Variants in HTR1F observed in about 807,000 individuals in gnomAD.
HTR1F encodes 5-hydroxytryptamine (serotonin) receptor 1F, G protein-coupled.
A neutral mutation model predicts 24.0 loss-of-function variants in HTR1F; 17 were observed. The observed-to-expected ratio is 0.71, with a 90% confidence interval of 0.48 to 1.06. The LOEUF (loss-of-function observed/expected upper bound fraction) is 1.06. Ranked by LOEUF, HTR1F falls within the 50% of genes least tolerant of loss-of-function variation. HTR1F has a pLI of 0.00. For missense variants in HTR1F, 391 were observed against 427.8 expected (o/e 0.91, Z 0.76); for synonymous variants, 186 against 156.8 (o/e 1.19, Z -1.39).
rs1001480762 is a variant in HTR1F, at chr3:87,848,086, T to C, written c.-43+25962T>C. On this transcript the variant is annotated intron_variant, in intron 2 of 2. Transcript: ENST00000319595. ...GGCCTCTTTTTAGTTTTTTGAGAAA[T>C]CTTAATACTGTTTTCCACAGTGGCT... is the stretch of plus-strand genomic sequence containing the variant. Among the ~76,000 whole-genome samples, 22 of 151,886 alleles carry C rather than the reference T, an allele frequency of 1.4e-4. 1 individual carries two copies. Among genetic ancestry groups the C allele is most frequent in the African/African-American group, 4.6e-4 (19 of 41,202 alleles).
intron 2 of HTR1F, among the ~76,000 whole-genome samples, chr3:87,943,446 G>GA (rs1252492205): frequency 1.3e-5 from 2 of 152,144 alleles, no homozygotes; most frequent in African/African-American, 4.8e-5. Context: ...CATGCACTCT[G>GA]GCTGGGCCAA....
intron 2 of HTR1F, among the ~76,000 whole-genome samples, chr3:87,905,440 C>T (rs1054777984): frequency 1.3e-5 from 2 of 151,584 alleles, no homozygotes; most frequent in Admixed American, 6.6e-5. Context: ...TTTTGCTGCC[C>T]CTTAATTTTT....
At chr3:87,794,342 C>G (rs1406982054) in intron 1 of HTR1F, among the ~76,000 whole-genome samples, 5 of 152,178 alleles carry the variant, frequency 3.3e-5, no homozygotes, top group Non-Finnish European at 7.3e-5. Flanking sequence ...TGCTTCCCCC[C>G]ACCCCATTCT....
chr3:87,826,930 C>A (rs760705451), intron 2 of HTR1F, among the ~76,000 whole-genome samples: 1 of 152,032 alleles, frequency 6.6e-6, no homozygotes, highest in African/African-American at 2.4e-5. Flanking sequence ...CCCACCTCAG[C>A]CTCCCAAGTA....
intron 2 of HTR1F, among the ~76,000 whole-genome samples, chr3:87,829,893 A>G (rs1388015095): frequency 6.6e-6 from 1 of 152,250 alleles, no homozygotes; most frequent in Non-Finnish European, 1.5e-5. Flanking sequence ...CCAGTAATTA[A>G]TATTTGCAAC....
intron 2 of HTR1F, among the ~76,000 whole-genome samples, chr3:87,875,275 A>G (rs2343772): frequency 0.051 from 7,697 of 151,722 alleles, 628 homozygotes; most frequent in African/African-American, 0.17. Context: ...ACATGGTGCA[A>G]CCTGTCTCTA....
intron 2 of HTR1F, among the ~76,000 whole-genome samples, chr3:87,938,655 A>G (rs1704486709): frequency 6.6e-6 from 1 of 152,104 alleles, no homozygotes; most frequent in African/African-American, 2.4e-5. Flanking sequence ...ACCATCTAAT[A>G]TTTAACAAAA....
intron 2 of HTR1F, among the ~76,000 whole-genome samples, chr3:87,850,285 A>C (rs1310755149): frequency 6.6e-6 from 1 of 152,004 alleles, no homozygotes; most frequent in African/African-American, 2.4e-5. Context: ...GCCATAAAAA[A>C]TGATGAGTTC....
At chr3:87,988,218 A>G (rs547065581) in intron 2 of HTR1F, among the ~76,000 whole-genome samples, 1 of 152,198 alleles carries the variant, frequency 6.6e-6, no homozygotes, top group Non-Finnish European at 1.5e-5. Context: ...TCCAAATTCA[A>G]GAACCACTTT....
chr3:87,985,370 G>A (rs1380363595), intron 2 of HTR1F, among the ~76,000 whole-genome samples: 1 of 151,640 alleles, frequency 6.6e-6, no homozygotes, highest in Non-Finnish European at 1.5e-5. Context: ...GTAGTTACTT[G>A]ATAAGCCTCA....
rs148901698 is a variant in HTR1F at position 87,927,289 on chromosome 3, C to T, written c.-42-63419C>T. Among the ~76,000 whole-genome samples the T allele has an allele frequency of 5.9e-3, 893 of 152,236 alleles. 10 individuals carry two copies. Among genetic ancestry groups the T allele is most frequent in the African/African-American group, 0.02 (826 of 41,570 alleles). ...GAAGACTGTGAAAGAAAGGGAAAAA[C>T]AATACCCTTAATGTTGATCACACGT... On this transcript the variant is annotated intron_variant, in intron 2 of 2. Coordinates refer to ENST00000319595, the MANE Select transcript of HTR1F (RefSeq NM_001322209.2).
chr3:87,808,441 A>T (rs1298539189), intron 1 of HTR1F, among the ~76,000 whole-genome samples: 2 of 151,238 alleles, frequency 1.3e-5, no homozygotes, highest in Admixed American at 1.3e-4. Context: ...TCCTTTGTGT[A>T]TCTGTGATAT....
chr3:87,989,420 G>A (rs1017656133), intron 2 of HTR1F, among the ~76,000 whole-genome samples: 1 of 152,146 alleles, frequency 6.6e-6, no homozygotes, highest in African/African-American at 2.4e-5. Context: ...AGTGTTGTAC[G>A]ATTATTTGAT....
intron 2 of HTR1F, among the ~76,000 whole-genome samples, chr3:87,847,239 G>A (rs1222819987): frequency 1.3e-5 from 2 of 151,602 alleles, no homozygotes; most frequent in African/African-American, 4.9e-5. Flanking sequence ...TTTGAGAGAG[G>A]CACTTTAATC....
intron 2 of HTR1F, among the ~76,000 whole-genome samples, chr3:87,863,395 A>G (rs1420961489): frequency 6.6e-6 from 1 of 152,152 alleles, no homozygotes; most frequent in Non-Finnish European, 1.5e-5. Context: ...CTCACAATTT[A>G]CTGTAAGAAG....
chr3:87,981,701 T>C (rs947323290), intron 2 of HTR1F, among the ~76,000 whole-genome samples: 1 of 152,228 alleles, frequency 6.6e-6, no homozygotes, highest in African/African-American at 2.4e-5. Flanking sequence ...TACAACCTAC[T>C]GAGTCTGTAC....
intron 2 of HTR1F, among the ~76,000 whole-genome samples, chr3:87,927,507 A>G (rs894697092): frequency 1.3e-5 from 2 of 152,140 alleles, no homozygotes; most frequent in African/African-American, 4.8e-5. Context: ...AGTCACACCA[A>G]AAAAATGTAT....
chr3:87,949,011 T>G (rs1462730663), intron 2 of HTR1F, among the ~76,000 whole-genome samples: 2 of 152,194 alleles, frequency 1.3e-5, no homozygotes, highest in African/African-American at 2.4e-5. Context: ...GTAAACCAAA[T>G]TGTGTATCTA....
intron 2 of HTR1F, among the ~76,000 whole-genome samples, chr3:87,932,814 A>G (rs1331937254): frequency 1.3e-5 from 2 of 151,964 alleles, no homozygotes; most frequent in Non-Finnish European, 2.9e-5. Flanking sequence ...AGCTATTCCA[A>G]TCAATAGAAA....
Sources: gnomAD v4.1 joint callset for allele counts (sites outside exome capture counted in the v4.1 genomes callset) on GRCh38, gnomAD v4.1.1 for gene constraint, MANE v1.5 for transcripts, NCBI Gene and HGNC (gene_info 2026-07-23, HGNC 2026-07-21) for gene names.